Variants in TOP3A observed in about 807,000 individuals in gnomAD.
TOP3A encodes DNA topoisomerase III alpha.
TOP3A carries 64 observed loss-of-function variants against 111.3 expected under a neutral mutation model. The ratio of observed to expected loss-of-function variants is 0.57; its 90% CI spans 0.47 to 0.71. TOP3A has a LOEUF of 0.71. TOP3A is among the 30% of genes least tolerant of loss of function. The probability of loss-of-function intolerance (pLI) is 0.00; values close to 1 mark genes in which losing one functional copy is unlikely to be tolerated. For missense variants in TOP3A, 1,104 were observed against 1,285.0 expected, an observed-to-expected ratio of 0.86 and a Z score of 2.15; for synonymous variants, 484 against 485.1, an observed-to-expected ratio of 1.00 and a Z score of 0.03.
chr17:18,279,501 C>G (rs576533471), intron 17 of TOP3A, among the ~76,000 whole-genome samples: 1 of 87,132 alleles, frequency 1.1e-5, no homozygotes, highest in East Asian at 2.2e-4. Flanking sequence ...CGTGATCCAC[C>G]CACCTCGGCC....
At chr17:18,287,667 G>A (rs1488975607) in intron 13 of TOP3A, among the ~76,000 whole-genome samples, 4 of 152,018 alleles carry the variant, frequency 2.6e-5, no homozygotes, top group Non-Finnish European at 4.4e-5. Context: ...GACCTAGCCT[G>A]GGTGACAGAG....
intron 1 of TOP3A, chr17:18,313,174 C>T (rs937382233): frequency 6.6e-6 from 1 of 152,462 alleles, no homozygotes; most frequent in Non-Finnish European, 1.5e-5. Flanking sequence ...CCAGAATCTA[C>T]AATGAAGGTG....
chr17:18,282,256 C>T (rs747448209), intron 16 of TOP3A, among the ~76,000 whole-genome samples: 3 of 152,182 alleles, frequency 2.0e-5, no homozygotes. Context: ...ACCATTTTCA[C>T]CAAATCCTCA....
chr17:18,288,148 T>TATATATATATATATATAA (rs1292446447), intron 13 of TOP3A, among the ~76,000 whole-genome samples: 1 of 132,260 alleles, frequency 7.6e-6, no homozygotes, highest in Non-Finnish European at 1.6e-5. Context: ...TATATATATA[T>TATATATATATATATATAA]AAATTTTTTT....
Position 18,302,626 on chromosome 17 carries a change from C to T in TOP3A, c.597G>A (p.Arg199=), listed in dbSNP as rs773268292. The change falls in exon 6 of 19, where the codon AGG becomes AGA. Residue 199 remains arginine, a synonymous_variant. Transcript: ENST00000321105. The stretch of plus-strand genomic sequence containing the variant: ...GCCTCACATCCACAGCATCGCTCAC[C>T]CTCTGATCAGGCTCGGTCAGGTTTT... ...ACENLTEPDQ[R]VSDAVDVRQE... The T allele has an allele frequency of 1.2e-6, 2 of 1,614,076 alleles. No individual in the cohort carries two copies. Among genetic ancestry groups the T allele is most frequent in the East Asian group, 2.2e-5 (1 of 44,898 alleles).
chr17:18,288,288 G>T (rs1339555945), intron 13 of TOP3A, among the ~76,000 whole-genome samples: 1 of 150,824 alleles, frequency 6.6e-6, no homozygotes, highest in African/African-American at 2.4e-5. Context: ...AAGTAGCTGG[G>T]ATTACAGGCG....
At position 18,292,763 on chromosome 17, in the gene TOP3A, C is replaced by T. The variant is rs770586187; in HGVS notation, c.1163G>A (p.Arg388His). ...AATGCTCTGGGCAAAGGCCCCCCAG[C>T]GTGGATCGGGGGTCTGCTGTTCCAC... ...VLVEQQTPDP[R>H]WGAFAQSILE... The change falls in exon 11 of 19, where the codon CGC (arginine) becomes CAC (histidine). Residue 388 changes from arginine to histidine, a missense_variant. Arg to His is a conservative substitution (Grantham distance 29). Coordinates refer to ENST00000321105, the MANE Select transcript of TOP3A (RefSeq NM_004618.5). 4 of 1,613,856 alleles carry T rather than the reference C, an allele frequency of 2.5e-6. No homozygotes were observed. The highest frequency in any genetic ancestry group is 1.3e-5 in the African/African-American group (1 of 75,016).
chr17:18,291,331 C>G lies in TOP3A; in HGVS notation c.1282-304G>C, dbSNP rs562705860. 3.3e-5 allele frequency among the ~76,000 whole-genome samples: 5 copies of G among 152,388 alleles called. No individual in the cohort carries two copies. The South Asian group carries it at 1.0e-3, about 32-fold the overall frequency. On this transcript the variant is annotated intron_variant, in intron 11 of 18. Coordinates refer to ENST00000321105, the MANE Select transcript of TOP3A (RefSeq NM_004618.5). ...ACAAGATGAAAGCGTAAGAAGTTAG[C>G]AAGACACTCCTCAAATACAAGAGAC...
At chr17:18,307,672 T>C (rs990494267) in intron 3 of TOP3A, 1 of 151,576 alleles carries the variant, frequency 6.6e-6, no homozygotes, top group African/African-American at 2.4e-5. Context: ...ATCCTAGCAC[T>C]TTGGGAGGCA....
chr17:18,305,746 G>A (rs1981541035), intron 4 of TOP3A, among the ~76,000 whole-genome samples: 2 of 152,270 alleles, frequency 1.3e-5, no homozygotes, highest in South Asian at 2.1e-4. Context: ...GCTGAGGCAG[G>A]AGAATGGCAT....
At chr17:18,291,069 A>T in intron 11 of TOP3A, 42 bp from the exon 12 acceptor site, 1 of 1,591,542 alleles carries the variant, frequency 6.3e-7, no homozygotes, top group Non-Finnish European at 8.6e-7. Flanking sequence ...CTAGAATATC[A>T]CCTCTCAAGG....
intron 1 of TOP3A, 22 bp downstream of exon 1, chr17:18,314,577 T>C (rs1181630450): frequency 6.3e-7 from 1 of 1,598,580 alleles, no homozygotes; most frequent in East Asian, 2.3e-5. Flanking sequence ...GGCACGCAGC[T>C]GATCGGAACG....
chr17:18,308,547 T>A, intron 2 of TOP3A, 123 bp from the exon 3 acceptor site: 1 of 643,958 alleles, frequency 1.6e-6, no homozygotes, highest in South Asian at 2.4e-5. Flanking sequence ...TGGGAAGAAA[T>A]AAACATAAAT....
In TOP3A at chr17:18,305,063, T is replaced by C. The variant is rs760448433; in HGVS notation, c.499+49A>G. ...TGCACATATAAACAAGAACACTCTA[T>C]TTATGGAGTTCCAAAGTAGAGAAAG... On this transcript the variant is annotated intron_variant, in intron 5 of 18. Coordinates refer to ENST00000321105, the MANE Select transcript of TOP3A (RefSeq NM_004618.5). 5 of 1,482,164 alleles carry C rather than the reference T, an allele frequency of 3.4e-6. No homozygotes were observed. In the Admixed American group the frequency reaches 8.4e-5, roughly 25 times the overall value. The allele number at this position is 1,482,164 out of a possible 1,614,324, so 91.8% of individuals were successfully genotyped here. A position where few individuals can be genotyped will look rare whatever the true frequency, so the allele number is the denominator to read the frequency against.
intron 11 of TOP3A, among the ~76,000 whole-genome samples, chr17:18,292,120 T>C (rs527629132): frequency 6.6e-6 from 1 of 152,288 alleles, no homozygotes; most frequent in Admixed American, 6.5e-5. Flanking sequence ...AACAAGCATT[T>C]CCCCAACTTT....
At chr17:18,291,807 T>G (rs1980492030) in intron 11 of TOP3A, among the ~76,000 whole-genome samples, 1 of 152,036 alleles carries the variant, frequency 6.6e-6, no homozygotes, top group South Asian at 2.1e-4. Flanking sequence ...CTCCGCCTCC[T>G]GGGTTCAAGC....
At position 18,279,827 on chromosome 17, in the gene TOP3A, T is replaced by C. The variant is rs565440193; in HGVS notation, c.2144+709A>G. ...TCAGCCTCCTGACCAGCTTGGCCTATAGGCATATGTCACCACATCTGGCTA... is the reference window on the plus strand; with the variant it reads ...TCAGCCTCCTGACCAGCTTGGCCTACAGGCATATGTCACCACATCTGGCTA... On this transcript the variant is annotated intron_variant, in intron 17 of 18. Transcript: ENST00000321105. 4.6e-5 allele frequency among the ~76,000 whole-genome samples: 7 copies of C among 152,304 alleles called. No individual in the cohort carries two copies. In the East Asian group the frequency reaches 1.4e-3, roughly 29 times the overall value.
At chr17:18,310,448 G>T (rs1013818243) in intron 1 of TOP3A, among the ~76,000 whole-genome samples, 1 of 151,904 alleles carries the variant, frequency 6.6e-6, no homozygotes. Context: ...AAAAAGGAAT[G>T]AAGAACTGAT....
intron 18 of TOP3A, among the ~76,000 whole-genome samples, chr17:18,275,739 C>T (rs1394971509): frequency 2.0e-5 from 3 of 150,482 alleles, no homozygotes; most frequent in Non-Finnish European, 3.0e-5. Context: ...CTGCAAGCTC[C>T]GCCTCCCGGG....
Sources: allele counts gnomAD v4.1 joint callset (sites outside exome capture counted in the v4.1 genomes callset), GRCh38; gene constraint gnomAD v4.1.1; transcripts MANE v1.5; gene names NCBI Gene and HGNC (gene_info 2026-07-23, HGNC 2026-07-21).